The following MACROD2 variants were observed in gnomAD, a reference collection of about 807,000 sequenced individuals.
MACROD2 encodes the protein ADP-ribose glycohydrolase MACROD2.
In MACROD2, 36 loss-of-function variants were observed where a neutral mutation model predicts 70.4. The observed-to-expected ratio is 0.51, with a 90% CI of 0.39 to 0.68. MACROD2 has a LOEUF of 0.68. MACROD2 is among the 30% of genes least tolerant of loss of function. The pLI is 0.00. For missense variants in MACROD2, 496 were observed against 538.4 expected, an observed-to-expected ratio of 0.92 and a Z score of 0.78; for synonymous variants, 172 against 178.8, an observed-to-expected ratio of 0.96 and a Z score of 0.30.
intron 5 of MACROD2, among the ~76,000 whole-genome samples, chr20:15,032,339 G>A (rs6043064): frequency 0.12 from 17,585 of 152,226 alleles, 2,798 homozygotes; most frequent in African/African-American, 0.36. Flanking sequence ...CGTCGGCTCC[G>A]CACGCTGCCC....
At chr20:14,801,000 G>T (rs1167872594) in intron 5 of MACROD2, among the ~76,000 whole-genome samples, 2 of 152,104 alleles carry the variant, frequency 1.3e-5, no homozygotes, top group Non-Finnish European at 2.9e-5. Flanking sequence ...ACACATGTGA[G>T]TTTTCTCTTT....
intron 2 of MACROD2, among the ~76,000 whole-genome samples, chr20:14,004,747 T>C (rs1318702806): frequency 6.6e-6 from 1 of 152,166 alleles, no homozygotes; most frequent in Non-Finnish European, 1.5e-5. Flanking sequence ...TCATTGCTTA[T>C]ACATGTATAA....
chr20:14,863,691 T>C (rs906643193), intron 5 of MACROD2, among the ~76,000 whole-genome samples: 1 of 152,134 alleles, frequency 6.6e-6, no homozygotes, highest in East Asian at 1.9e-4. Context: ...ATAACATTTG[T>C]CAGCCACTAT....
chr20:15,623,622 T>G (rs2049158360), intron 8 of MACROD2, among the ~76,000 whole-genome samples: 3 of 152,148 alleles, frequency 2.0e-5, no homozygotes, highest in Admixed American at 2.0e-4. Context: ...CCAAGCTTCT[T>G]GTCCAGTAAA....
At chr20:15,311,588 G>C (rs1467556098) in intron 6 of MACROD2, among the ~76,000 whole-genome samples, 1 of 152,212 alleles carries the variant, frequency 6.6e-6, no homozygotes, top group African/African-American at 2.4e-5. Flanking sequence ...ATATACCATA[G>C]AATACTATGG....
intron 7 of MACROD2, among the ~76,000 whole-genome samples, chr20:15,465,985 C>T (rs1401000776): frequency 6.6e-6 from 1 of 152,116 alleles, no homozygotes; most frequent in East Asian, 1.9e-4. Flanking sequence ...AGAGTTTTTA[C>T]CCTAGTGAAG....
rs553323919 is a variant in MACROD2 at position 14,719,966 on chromosome 20, A to G, written c.418+35007A>G. ...GAAGGGTATTTGGGCAGCTCTGGCT[A>G]TCTCATATCTGGAATTTCACCTTTT... On this transcript the variant is annotated intron_variant, in intron 5 of 17. Transcript: ENST00000684519. Among the ~76,000 whole-genome samples the G allele has an allele frequency of 9.8e-5, 15 of 152,312 alleles. 1 individual carries two copies. Among genetic ancestry groups the G allele is most frequent in the Admixed American group, 8.5e-4 (13 of 15,308 alleles).
At chr20:15,586,231 C>G (rs1022551685) in intron 8 of MACROD2, among the ~76,000 whole-genome samples, 2 of 152,180 alleles carry the variant, frequency 1.3e-5, no homozygotes, top group Non-Finnish European at 2.9e-5. Context: ...TACTGGACCA[C>G]TACTTCACCC....
At chr20:14,339,308 A>G (rs987965629) in intron 3 of MACROD2, among the ~76,000 whole-genome samples, 3 of 152,162 alleles carry the variant, frequency 2.0e-5, no homozygotes, top group African/African-American at 7.2e-5. Context: ...TTGAAAAGCC[A>G]ATTTCTTTGA....
At chr20:15,075,811 G>A (rs1036044118) in intron 5 of MACROD2, among the ~76,000 whole-genome samples, 10 of 152,136 alleles carry the variant, frequency 6.6e-5, no homozygotes, top group African/African-American at 2.4e-4. Flanking sequence ...GCAACACAGT[G>A]ACCACTGCAG....
chr20:15,487,711 T>G (rs2047180060), intron 7 of MACROD2, among the ~76,000 whole-genome samples: 1 of 152,110 alleles, frequency 6.6e-6, no homozygotes, highest in African/African-American at 2.4e-5. Context: ...GGAAAGATTC[T>G]CCATGCCAAA....
At chr20:14,417,073 CTATCT>C (rs1568602587) in intron 3 of MACROD2, among the ~76,000 whole-genome samples, 10 of 28,374 alleles carry the variant, frequency 3.5e-4, no homozygotes, top group African/African-American at 9.2e-4. Context: ...TATCATCTAT[CTATCT>C]ATCTATCTAT....
intron 6 of MACROD2, among the ~76,000 whole-genome samples, chr20:15,413,130 C>G (rs73269081): frequency 0.035 from 5,398 of 152,292 alleles, 127 homozygotes; most frequent in African/African-American, 0.043. Flanking sequence ...TGTGCTAGCA[C>G]AGCCACCATC....
At chr20:14,092,509 A>G (rs1389664398) in intron 3 of MACROD2, among the ~76,000 whole-genome samples, 2 of 152,338 alleles carry the variant, frequency 1.3e-5, no homozygotes, top group Non-Finnish European at 2.9e-5. Flanking sequence ...TTTTGTAGAT[A>G]TTTAGGTAAA....
At chr20:14,550,657 G>A (rs1978592625) in intron 4 of MACROD2, among the ~76,000 whole-genome samples, 1 of 152,142 alleles carries the variant, frequency 6.6e-6, no homozygotes, top group Non-Finnish European at 1.5e-5. Flanking sequence ...GAAAAGCCCT[G>A]TCTCCTATTT....
At chr20:15,463,548 A>G (rs1292227618) in intron 7 of MACROD2, among the ~76,000 whole-genome samples, 1 of 152,106 alleles carries the variant, frequency 6.6e-6, no homozygotes, top group Non-Finnish European at 1.5e-5. Context: ...TCGGGAGTTC[A>G]AGACCAGCCT....
At chr20:15,270,025 G>A (rs1568681906) in intron 6 of MACROD2, among the ~76,000 whole-genome samples, 2 of 152,066 alleles carry the variant, frequency 1.3e-5, no homozygotes, top group African/African-American at 2.4e-5. Context: ...ATTTCTAATG[G>A]TTGGCCACCC....
intron 5 of MACROD2, among the ~76,000 whole-genome samples, chr20:14,870,803 T>A (rs550866050): frequency 6.6e-6 from 1 of 152,266 alleles, no homozygotes; most frequent in Admixed American, 6.5e-5. Context: ...GTTTCGTTTA[T>A]TTCTTGTAAA....
At chr20:14,839,304 T>G (rs965854817) in intron 5 of MACROD2, among the ~76,000 whole-genome samples, 3 of 152,134 alleles carry the variant, frequency 2.0e-5, no homozygotes, top group African/African-American at 7.2e-5. Flanking sequence ...TTCTTAATAC[T>G]TTAAAACACA....
Sources: allele counts gnomAD v4.1 joint callset (sites outside exome capture counted in the v4.1 genomes callset), GRCh38; gene constraint gnomAD v4.1.1; transcripts MANE v1.5; gene names NCBI Gene and HGNC (gene_info 2026-07-23, HGNC 2026-07-21).